SLC38A8: variants seen among roughly 807,000 people sequenced by gnomAD.
SLC38A8 encodes the protein solute carrier family 38 member 8, also known as amino acid transporter SLC38A8.
In SLC38A8, 65 loss-of-function variants were observed where a neutral mutation model predicts 46.0. The observed-to-expected ratio is 1.41, with a 90% CI of 1.16 to 1.74. SLC38A8 has a LOEUF of 1.74. Ranked by LOEUF, SLC38A8 falls within the 40% of genes most tolerant of loss-of-function variation. SLC38A8 has a pLI of 0.00. For synonymous variants in SLC38A8, 447 were observed against 243.7 expected (o/e 1.83, Z -7.77); for missense variants, 998 against 567.9 (o/e 1.76, Z -7.70).
At chr16:84,022,270 G>T (rs1263391675) in intron 7 of SLC38A8, among the ~76,000 whole-genome samples, 1 of 152,120 alleles carries the variant, frequency 6.6e-6, no homozygotes, top group Non-Finnish European at 1.5e-5. Context: ...CAGGGACCTG[G>T]GACTGTCCTT....
Position 84,042,159 on chromosome 16 carries a change from G to C in SLC38A8, c.-2C>G, listed in dbSNP as rs376267915. 6.2e-7 allele frequency: 1 copy of C among 1,607,572 alleles called. No individual in the cohort carries two copies. Among genetic ancestry groups the C allele is most frequent in the Non-Finnish European group, 8.5e-7 (1 of 1,177,352 alleles). ...GCTTCCTGGGGTCTGTCCCTCCATG[G>C]CTAGAGGCGGCAGAGGGGTGGAGAG... On this transcript the variant is annotated splice_region_variant and 5_prime_UTR_variant, in exon 2 of 11. Transcript: ENST00000299709.
At chr16:84,021,677 G>T (rs56738423) in intron 7 of SLC38A8, among the ~76,000 whole-genome samples, 1 of 152,042 alleles carries the variant, frequency 6.6e-6, no homozygotes, top group Admixed American at 6.5e-5. Context: ...CCGCTTCCAC[G>T]TTCCAGGTAG....
intron 3 of SLC38A8, among the ~76,000 whole-genome samples, chr16:84,034,908 C>T (rs1309076768): frequency 2.0e-5 from 3 of 152,090 alleles, no homozygotes; most frequent in African/African-American, 4.8e-5. Flanking sequence ...CCAGCGTTCC[C>T]GGATGCTTGA....
At chr16:84,042,221 G>A (rs1011337328) in intron 1 of SLC38A8, 62 bp from the exon 2 acceptor site, 16 of 1,517,884 alleles carry the variant, frequency 1.1e-5, no homozygotes, top group Middle Eastern at 1.8e-4. Context: ...CTAAGTTCTC[G>A]ATATCCTTAT....
At chr16:84,012,030 G>C (rs1313175981) in intron 10 of SLC38A8, among the ~76,000 whole-genome samples, 1 of 152,212 alleles carries the variant, frequency 6.6e-6, no homozygotes, top group Non-Finnish European at 1.5e-5. Flanking sequence ...CGCCTTCAGA[G>C]AGTCCAGCCC....
At chr16:84,036,069 ACAG>A (rs2151127964) in intron 3 of SLC38A8, among the ~76,000 whole-genome samples, 1 of 152,356 alleles carries the variant, frequency 6.6e-6, no homozygotes, top group South Asian at 2.1e-4. Context: ...ATCTCAAAAG[ACAG>A]CAATGATACA....
chr16:84,019,429 G>C (rs1042488176), intron 7 of SLC38A8, among the ~76,000 whole-genome samples: 4 of 152,090 alleles, frequency 2.6e-5, no homozygotes, highest in Non-Finnish European at 5.9e-5. Context: ...CTGGCAGATG[G>C]TGCATCCTTC....
At chr16:84,018,501 G>C (rs1156529141) in intron 7 of SLC38A8, among the ~76,000 whole-genome samples, 3 of 152,038 alleles carry the variant, frequency 2.0e-5, no homozygotes, top group Non-Finnish European at 4.4e-5. Flanking sequence ...TTACAGGCAT[G>C]AGCCACCGTG....
chr16:84,037,845 G>C (rs1284766581), intron 2 of SLC38A8, among the ~76,000 whole-genome samples: 1 of 116,682 alleles, frequency 8.6e-6, no homozygotes, highest in Non-Finnish European at 1.6e-5. Context: ...GTCTAGCTCT[G>C]TCACCCAGGC....
At chr16:84,028,942 C>A (rs557454954) in intron 6 of SLC38A8, among the ~76,000 whole-genome samples, 2 of 152,260 alleles carry the variant, frequency 1.3e-5, no homozygotes, top group East Asian at 3.9e-4. Context: ...ACACATATAG[C>A]CCCGTCCTCC....
At chr16:84,020,984 G>T (rs2085088195) in intron 7 of SLC38A8, among the ~76,000 whole-genome samples, 1 of 152,196 alleles carries the variant, frequency 6.6e-6, no homozygotes, top group African/African-American at 2.4e-5. Flanking sequence ...AACGTGAGCA[G>T]CTAAGAGTAG....
intron 4 of SLC38A8, among the ~76,000 whole-genome samples, 178 bp from the exon 5 acceptor site, chr16:84,032,146 G>C (rs2085247792): frequency 6.6e-6 from 1 of 151,750 alleles, no homozygotes; most frequent in African/African-American, 2.4e-5. Flanking sequence ...GGGCTGCTTT[G>C]GGGTCAAGGG....
intron 6 of SLC38A8, among the ~76,000 whole-genome samples, chr16:84,025,277 C>G (rs1419980376): frequency 6.6e-6 from 1 of 152,176 alleles, no homozygotes; most frequent in Non-Finnish European, 1.5e-5. Context: ...GGCCTCATTC[C>G]TGCCCGCCCT....
chr16:84,032,802 A>G (rs2085257800), intron 4 of SLC38A8, among the ~76,000 whole-genome samples: 1 of 152,008 alleles, frequency 6.6e-6, no homozygotes, highest in Non-Finnish European at 1.5e-5. Context: ...TTTCTTCCTA[A>G]GTATACAGAC....
intron 6 of SLC38A8, among the ~76,000 whole-genome samples, chr16:84,026,156 T>A (rs554943412): frequency 6.6e-6 from 1 of 152,252 alleles, no homozygotes; most frequent in African/African-American, 2.4e-5. Context: ...CAGTTAGTAG[T>A]GCCAGACAGG....
intron 6 of SLC38A8, among the ~76,000 whole-genome samples, chr16:84,023,602 G>A (rs1005422979): frequency 1.3e-5 from 2 of 152,146 alleles, no homozygotes; most frequent in African/African-American, 4.8e-5. Context: ...ACCACAGGAA[G>A]CCACATAGGT....
chr16:84,027,520 C>G (rs1043370842), intron 6 of SLC38A8, among the ~76,000 whole-genome samples: 4 of 152,178 alleles, frequency 2.6e-5, no homozygotes, highest in Non-Finnish European at 5.9e-5. Context: ...TGGGCGGGGA[C>G]GCTGTGTTTG....
intron 6 of SLC38A8, among the ~76,000 whole-genome samples, chr16:84,024,472 C>A (rs2085136910): frequency 6.6e-6 from 1 of 152,058 alleles, no homozygotes; most frequent in African/African-American, 2.4e-5. Context: ...AGCCACCATG[C>A]CCAAGGGGGA....
intron 9 of SLC38A8, among the ~76,000 whole-genome samples, chr16:84,016,278 G>C (rs758847741): frequency 2.0e-5 from 3 of 152,232 alleles, no homozygotes; most frequent in Admixed American, 6.5e-5. Flanking sequence ...TTCAAGGTGA[G>C]ATTTGGGTGT....
Sources: allele counts gnomAD v4.1 joint callset (sites outside exome capture counted in the v4.1 genomes callset), GRCh38; gene constraint gnomAD v4.1.1; transcripts MANE v1.5; gene names NCBI Gene and HGNC (gene_info 2026-07-23, HGNC 2026-07-21).